The following POLR3G variants were observed in gnomAD, a reference collection of about 807,000 sequenced individuals.
The protein encoded by POLR3G is DNA-directed RNA polymerase III subunit RPC7.
A neutral mutation model predicts 30.1 loss-of-function variants in POLR3G; 28 were observed. The ratio of observed to expected loss-of-function variants is 0.93; its 90% CI spans 0.69 to 1.27. POLR3G has a LOEUF of 1.27. POLR3G is among the 50% of genes most tolerant of loss of function. The pLI is 0.00. For synonymous variants in POLR3G, 79 were observed against 82.5 expected (o/e 0.96, Z 0.23); for missense variants, 254 against 264.6 (o/e 0.96, Z 0.28).
chr5:90,509,739 A>G (rs1752648119), intron 7 of POLR3G, among the ~76,000 whole-genome samples: 1 of 152,174 alleles, frequency 6.6e-6, no homozygotes, highest in Non-Finnish European at 1.5e-5. Flanking sequence ...AACTGACCAG[A>G]TAAATCGGTA....
rs761986649 is a variant in POLR3G, at chr5:90,512,125, G to A, written c.658G>A (p.Glu220Lys). ...CGCAGACAGTGATGACAACATGGAT[G>A]AGGCAACCTATTAGGCATGAAATTT... The part of the protein sequence containing the change: ...FGADSDDNMD[E>K]ATY The change falls in exon 8 of 8, where the codon GAG becomes AAG. Residue 220 changes from glutamate (E) to lysine (K), a missense_variant. Transcript: ENST00000651687. 2.2e-5 allele frequency: 35 copies of A among 1,599,768 alleles called. No individual in the cohort carries two copies. The highest frequency in any genetic ancestry group is 2.6e-6 in the Non-Finnish European group (3 of 1,167,810).
At chr5:90,480,152 T>C (rs1751052572) in intron 1 of POLR3G, among the ~76,000 whole-genome samples, 1 of 152,134 alleles carries the variant, frequency 6.6e-6, no homozygotes, top group African/African-American at 2.4e-5. Flanking sequence ...AGAGAAACAT[T>C]TGGAGCATGA....
At chr5:90,491,264 A>G (rs1172370077) in intron 3 of POLR3G, among the ~76,000 whole-genome samples, 4 of 152,214 alleles carry the variant, frequency 2.6e-5, no homozygotes, top group Non-Finnish European at 4.4e-5. Context: ...ACACCAATGA[A>G]TATTATTTTA....
At chr5:90,480,262 T>C (rs1751058360) in intron 1 of POLR3G, among the ~76,000 whole-genome samples, 1 of 152,228 alleles carries the variant, frequency 6.6e-6, no homozygotes, top group South Asian at 2.1e-4. Flanking sequence ...ACTTGTAGGC[T>C]GTTTCTTTCA....
intron 1 of POLR3G, among the ~76,000 whole-genome samples, chr5:90,484,022 C>G (rs1751283842): frequency 6.6e-6 from 1 of 152,108 alleles, no homozygotes; most frequent in Admixed American, 6.5e-5. Flanking sequence ...AAGACTTCCA[C>G]CAAAACAGTT....
upstream of POLR3G, chr5:90,474,549 C>A (rs1561243029): frequency 3.9e-6 from 2 of 510,836 alleles, no homozygotes; most frequent in African/African-American, 2.0e-5. Context: ...AGCACGGGGG[C>A]GCAGGAGCTA....
intron 5 of POLR3G, among the ~76,000 whole-genome samples, chr5:90,497,936 T>A (rs920937540): frequency 6.6e-6 from 1 of 151,932 alleles, no homozygotes; most frequent in Non-Finnish European, 1.5e-5. Flanking sequence ...TGAGAACTTG[T>A]CTCTACAAAA....
intron 3 of POLR3G, among the ~76,000 whole-genome samples, chr5:90,489,258 ATT>A (rs527243253): frequency 1.5e-4 from 21 of 138,236 alleles, no homozygotes; most frequent in Admixed American, 2.2e-4. Context: ...AAAATACTTA[ATT>A]TTTTTTTTTT....
chr5:90,509,508 A>C (rs934413021), intron 7 of POLR3G, among the ~76,000 whole-genome samples: 3 of 152,228 alleles, frequency 2.0e-5, no homozygotes, highest in African/African-American at 7.2e-5. Flanking sequence ...TAATGCTGTG[A>C]TACAGTAGTA....
intron 7 of POLR3G, among the ~76,000 whole-genome samples, chr5:90,511,569 G>A (rs879544406): frequency 1.3e-5 from 2 of 149,938 alleles, no homozygotes; most frequent in African/African-American, 2.4e-5. Context: ...AGAGGTCCTA[G>A]ATAGAATATA....
intron 2 of POLR3G, among the ~76,000 whole-genome samples, chr5:90,487,745 A>G (rs1751520250): frequency 6.6e-6 from 1 of 152,106 alleles, no homozygotes; most frequent in Non-Finnish European, 1.5e-5. Context: ...CTGTTTGGCA[A>G]AATGATTATT....
Position 90,506,812 on chromosome 5 carries a change from ATTCCTTGCTATCAAGAGAAC to A in POLR3G, c.585+151_585+170del, listed in dbSNP as rs1415858241. The stretch of plus-strand genomic sequence containing the variant: ...AAGTATATTATTATCAATGGCATCG[ATTCCTTGCTATCAAGAGAAC>A]TTCCTTGCTATCGAGAGAACTATTA... On this transcript the variant is annotated intron_variant, in intron 7 of 7. Coordinates refer to ENST00000651687, the MANE Select transcript of POLR3G (RefSeq NM_006467.3). 5 of 1,322,802 alleles carry A rather than the reference ATTCCTTGCTATCAAGAGAAC, an allele frequency of 3.8e-6. No individual in the cohort carries two copies. In the East Asian group the frequency reaches 7.8e-5, roughly 21 times the overall value. The allele number at this position is 1,322,802 out of a possible 1,614,324, so 81.9% of individuals were successfully genotyped here.
rs1249239329 is a variant in POLR3G at position 90,514,355 on chromosome 5, T to C, written c.*2216T>C. ...AAAACTGGTTGCTGTAATGCTTGTTTTTCTGTATTTATTTACACATTAAAT... is the reference window on the plus strand; with the variant it reads ...AAAACTGGTTGCTGTAATGCTTGTTCTTCTGTATTTATTTACACATTAAAT... On this transcript the variant is annotated 3_prime_UTR_variant, in exon 8 of 8. Coordinates refer to ENST00000651687, the MANE Select transcript of POLR3G (RefSeq NM_006467.3). 6.6e-6 allele frequency: 1 copy of C among 152,252 alleles called. No individual in the cohort carries two copies. The highest frequency in any genetic ancestry group is 6.5e-5 in the Admixed American group (1 of 15,288). 9.4% of individuals were successfully genotyped at this position (152,252 alleles called of 1,614,324 possible). A position where few individuals can be genotyped will look rare whatever the true frequency, so the allele number is the denominator to read the frequency against.
At chr5:90,476,619 C>G (rs573175418) in intron 1 of POLR3G, among the ~76,000 whole-genome samples, 2 of 152,292 alleles carry the variant, frequency 1.3e-5, no homozygotes, top group Admixed American at 1.3e-4. Context: ...AGGCCATGAG[C>G]TCAGCAATAA....
chr5:90,482,735 G>C (rs1751206724), intron 1 of POLR3G, among the ~76,000 whole-genome samples: 1 of 152,138 alleles, frequency 6.6e-6, no homozygotes, highest in Non-Finnish European at 1.5e-5. Context: ...CCCCCACCCA[G>C]GAACTGACTC....
At chr5:90,474,780 C>G (rs1309297112), upstream of POLR3G, 1 of 176,106 alleles carries the variant, frequency 5.7e-6, no homozygotes, top group African/African-American at 2.4e-5. Flanking sequence ...ACGGCGACTA[C>G]GGCGCCTGCC....
At chr5:90,489,246 C>CA (rs1479062463) in intron 3 of POLR3G, among the ~76,000 whole-genome samples, 1 of 149,978 alleles carries the variant, frequency 6.7e-6, no homozygotes, top group African/African-American at 2.4e-5. Flanking sequence ...TATTTTATCT[C>CA]AAAAATACTT....
intron 3 of POLR3G, among the ~76,000 whole-genome samples, chr5:90,491,734 T>C (rs1751734422): frequency 1.3e-5 from 2 of 152,172 alleles, no homozygotes; most frequent in Non-Finnish European, 2.9e-5. Context: ...TTTTTCTCTA[T>C]ATTGAAATAC....
At chr5:90,497,815 C>G in intron 5 of POLR3G, 109 bp downstream of exon 5, 2 of 1,305,516 alleles carry the variant, frequency 1.5e-6, no homozygotes, top group Non-Finnish European at 2.0e-6. Flanking sequence ...TAATGCTTTT[C>G]TTATTTTGAG....
Sources: gnomAD v4.1 joint callset for allele counts (sites outside exome capture counted in the v4.1 genomes callset) on GRCh38, gnomAD v4.1.1 for gene constraint, MANE v1.5 for transcripts, NCBI Gene and HGNC (gene_info 2026-07-23, HGNC 2026-07-21) for gene names.